The following LRRK1 variants were observed in gnomAD, a reference collection of about 807,000 sequenced individuals.
LRRK1 encodes the protein leucine rich repeat kinase 1.
In LRRK1, 113 loss-of-function variants were observed where a neutral mutation model predicts 209.1. That is an observed-to-expected ratio of 0.54 (90% CI 0.46 to 0.63). The LOEUF (loss-of-function observed/expected upper bound fraction) is 0.63, where lower values mean the gene tolerates loss of function less well. Among genes scored for constraint, LRRK1 ranks in the 30% least tolerant of loss-of-function variants. LRRK1 has a pLI of 0.00. For synonymous variants in LRRK1, 1,144 were observed against 1,099.7 expected (o/e 1.04, Z -0.80); for missense variants, 2,284 against 2,632.2 (o/e 0.87, Z 2.89).
chr15:101,041,171 T>A (rs904103434), intron 20 of LRRK1, among the ~76,000 whole-genome samples: 2 of 152,246 alleles, frequency 1.3e-5, no homozygotes, highest in African/African-American at 4.8e-5. Context: ...AATACTCCTT[T>A]TCTTGAAGTC....
intron 2 of LRRK1, among the ~76,000 whole-genome samples, chr15:100,964,153 C>A (rs1470619679): frequency 1.3e-5 from 2 of 152,122 alleles, no homozygotes; most frequent in African/African-American, 4.8e-5. Flanking sequence ...CTGTCTGATG[C>A]GGGTGGAGGG....
At chr15:101,028,322 C>CA (rs1174070177) in intron 19 of LRRK1, among the ~76,000 whole-genome samples, 1 of 152,186 alleles carries the variant, frequency 6.6e-6, no homozygotes, top group Non-Finnish European at 1.5e-5. Context: ...GCATTGAACT[C>CA]ACGGCTGACA....
chr15:100,977,131 C>T (rs890064010), intron 3 of LRRK1, among the ~76,000 whole-genome samples: 4 of 150,812 alleles, frequency 2.7e-5, no homozygotes, highest in South Asian at 4.2e-4. Flanking sequence ...GTATCTCATA[C>T]ATCCCAAACC....
At chr15:100,920,555 T>C (rs1357938574) in intron 1 of LRRK1, among the ~76,000 whole-genome samples, 10 of 152,212 alleles carry the variant, frequency 6.6e-5, no homozygotes, top group Non-Finnish European at 1.3e-4. Context: ...TCTCTGGCAG[T>C]GACCTCGCAG....
chr15:101,030,912 C>T (rs1206131661), intron 20 of LRRK1, among the ~76,000 whole-genome samples: 4 of 152,116 alleles, frequency 2.6e-5, no homozygotes, highest in Non-Finnish European at 5.9e-5. Flanking sequence ...GCCCACCTCC[C>T]ACTCTCCCCC....
chr15:100,967,259 G>A (rs1000424548), intron 2 of LRRK1, among the ~76,000 whole-genome samples: 4 of 152,118 alleles, frequency 2.6e-5, no homozygotes, highest in African/African-American at 7.2e-5. Flanking sequence ...TTATTCACAC[G>A]TATAACCGCT....
intron 23 of LRRK1, among the ~76,000 whole-genome samples, 160 bp downstream of exon 23, chr15:101,049,943 G>C (rs947548475): frequency 6.6e-6 from 1 of 152,164 alleles, no homozygotes; most frequent in African/African-American, 2.4e-5. Flanking sequence ...TGGCCCCCGA[G>C]AAGTCCAGCT....
In LRRK1 at chr15:101,026,055, C is replaced by T. The variant is rs1018773132; in HGVS notation, c.2323C>T (p.Arg775Cys). 1.2e-6 allele frequency: 2 copies of T among 1,614,232 alleles called. No individual in the cohort carries two copies. The highest frequency in any genetic ancestry group is 1.7e-6 in the Non-Finnish European group (2 of 1,180,012). ...CCGTGTGGAAAGGATTGCAACGCTG[C>T]GTGCCTATGTGCTGGCACTCTGCCG... The part of the protein sequence containing the change: ...KFRVERIATL[R>C]AYVLALCRSP... The change falls in exon 17 of 34, where the codon CGT (arginine) becomes TGT (cysteine). Residue 775 changes from arginine to cysteine, a missense_variant. By Grantham distance (180) the Arg-to-Cys change is radical (BLOSUM62 -3). Transcript: ENST00000388948.
chr15:101,034,120 ATTGAG>A (rs1003569067), intron 20 of LRRK1, among the ~76,000 whole-genome samples: 4 of 151,958 alleles, frequency 2.6e-5, no homozygotes, highest in Non-Finnish European at 5.9e-5. Context: ...TTTGAGTTTT[ATTGAG>A]TTGTTTGAAT....
intron 27 of LRRK1, 109 bp from the exon 28 acceptor site, chr15:101,056,747 G>GTTTGT (rs2035830707): frequency 1.2e-6 from 1 of 820,306 alleles, no homozygotes; most frequent in African/African-American, 1.7e-5. Context: ...TTTGTTGAAT[G>GTTTGT]TTTGTTTTCC....
In LRRK1 at chr15:101,027,220, A is replaced by G; in HGVS notation, c.2406-41A>G. ...CAGAGAAGCAGCAGCGCTTCCTCGG[A>G]GTGGGGCATGATGAGTAAAGACGGG... On this transcript the variant is annotated intron_variant, in intron 17 of 33. Coordinates refer to ENST00000388948, the MANE Select transcript of LRRK1 (RefSeq NM_024652.6). The surrounding 1 kb of genome is among the most constrained non-coding windows in gnomAD (Gnocchi z 5.1). 1 of 1,608,326 alleles carries G rather than the reference A, an allele frequency of 6.2e-7. No individual in the cohort carries two copies. Among genetic ancestry groups the G allele is most frequent in the Non-Finnish European group, 8.5e-7 (1 of 1,176,318 alleles).
At chr15:100,925,858 A>G (rs1471478562) in intron 2 of LRRK1, among the ~76,000 whole-genome samples, 1 of 152,216 alleles carries the variant, frequency 6.6e-6, no homozygotes, top group Non-Finnish European at 1.5e-5. Flanking sequence ...TTGCCATCTG[A>G]ACCCTGTCTT....
At chr15:101,016,066 T>A (rs1404928422) in intron 12 of LRRK1, among the ~76,000 whole-genome samples, 1 of 151,730 alleles carries the variant, frequency 6.6e-6, no homozygotes, top group Non-Finnish European at 1.5e-5. Flanking sequence ...CTTGGCTCCC[T>A]GCAACCTCCG....
chr15:101,021,754 C>A, intron 13 of LRRK1, 91 bp from the exon 14 acceptor site: 1 of 881,206 alleles, frequency 1.1e-6, no homozygotes, highest in Non-Finnish European at 1.8e-6. Context: ...GCTGCAGAGG[C>A]TGACAGGAGC....
intron 6 of LRRK1, among the ~76,000 whole-genome samples, chr15:100,995,486 A>C (rs1323444652): frequency 1.3e-5 from 2 of 152,228 alleles, no homozygotes; most frequent in African/African-American, 2.4e-5. Context: ...AAAGTGAAGT[A>C]AAGTCAGACC....
intron 31 of LRRK1, among the ~76,000 whole-genome samples, chr15:101,063,414 G>A (rs552497912): frequency 3.3e-5 from 5 of 152,170 alleles, no homozygotes; most frequent in Admixed American, 6.5e-5. Flanking sequence ...CTTCCCAGAC[G>A]GCCTCCGATT....
intron 30 of LRRK1, 87 bp from the exon 31 acceptor site, chr15:101,062,487 G>A: frequency 1.1e-6 from 1 of 931,182 alleles, no homozygotes; most frequent in South Asian, 1.3e-5. Context: ...GGATCCCCAA[G>A]TCCAAGTGCA....
intron 20 of LRRK1, among the ~76,000 whole-genome samples, chr15:101,043,168 G>A (rs766507602): frequency 5.9e-5 from 9 of 152,242 alleles, no homozygotes; most frequent in Non-Finnish European, 1.0e-4. Context: ...CTCAGCTCCA[G>A]ATCTCTACAG....
Position 101,051,935 on chromosome 15 carries a change from C to A in LRRK1, c.3664C>A (p.Leu1222Met). 1 of 1,613,730 alleles carries A rather than the reference C, an allele frequency of 6.2e-7. No homozygotes were observed. The highest frequency in any genetic ancestry group is 1.6e-4 in the Middle Eastern group (1 of 6,062). ...PVPLQELVPELFMTDFPARLF... is the reference protein window; with the variant it reads ...PVPLQELVPEMFMTDFPARLF... ...GCCGCTGCAGGAGCTGGTCCCTGAA[C>A]TGTTCATGACCGACTTCCCGGCCAG... The change falls in exon 24 of 34, where the codon CTG (leucine) becomes ATG (methionine). Residue 1222 changes from leucine (L) to methionine (M), a missense_variant. Coordinates refer to ENST00000388948, the MANE Select transcript of LRRK1 (RefSeq NM_024652.6).
Sources: gnomAD v4.1 joint callset for allele counts (sites outside exome capture counted in the v4.1 genomes callset) on GRCh38, gnomAD v4.1.1 for gene constraint, Gnocchi (gnomAD v3.1) non-coding constraint, MANE v1.5 for transcripts, NCBI Gene and HGNC (gene_info 2026-07-23, HGNC 2026-07-21) for gene names.